The following SDHA variants were observed in gnomAD, a reference collection of about 807,000 sequenced individuals.
SDHA encodes the protein succinate dehydrogenase [ubiquinone] flavoprotein subunit, mitochondrial.
SDHA carries 48 observed loss-of-function variants against 78.4 expected under a neutral mutation model. The ratio of observed to expected loss-of-function variants is 0.61; its 90% CI spans 0.49 to 0.78. The LOEUF (loss-of-function observed/expected upper bound fraction) is 0.78, where lower values mean the gene tolerates loss of function less well. SDHA is among the 30% of genes least tolerant of loss of function. SDHA has a pLI of 0.00. For missense variants in SDHA, 680 were observed against 892.7 expected, an observed-to-expected ratio of 0.76 and a Z score of 3.04; for synonymous variants, 326 against 353.9, an observed-to-expected ratio of 0.92 and a Z score of 0.88.
the SDHA span, among the ~76,000 whole-genome samples, chr5:262,254 GT>G: frequency 2.2e-4 from 27 of 124,492 alleles, no homozygotes; most frequent in African/African-American, 7.2e-4. Context: ...TCCGCCTCCC[GT>G]CACAGCATTA....
intron 8 of SDHA, 198 bp downstream of exon 8, chr5:233,843 T>C: frequency 1.8e-6 from 1 of 565,174 alleles, no homozygotes; most frequent in South Asian, 2.0e-5. Flanking sequence ...CCAGTTTCTT[T>C]CTCAAATCTG....
chr5:262,284 CCGACAGAGCA>C, the SDHA span, among the ~76,000 whole-genome samples: 6 of 136,246 alleles, frequency 4.4e-5, no homozygotes, highest in South Asian at 1.1e-3. Context: ...GCTCCGCCTC[CCGACAGAGCA>C]TTACCGTGTG....
At chr5:224,908 A>G in intron 3 of SDHA, 1 of 348,426 alleles carries the variant, frequency 2.9e-6, no homozygotes, top group South Asian at 2.6e-5. Context: ...GTCTTCTGGG[A>G]CTCTCTGAGG....
chr5:268,285 C>T, the SDHA span, among the ~76,000 whole-genome samples: 1 of 151,926 alleles, frequency 6.6e-6, no homozygotes. Flanking sequence ...CGGGTTCACG[C>T]CATTCTCCTG....
At position 223,569 on chromosome 5, in the gene SDHA, G is replaced by A. The variant is rs1057523165; in HGVS notation, c.150+1G>A. The A allele has an allele frequency of 9.9e-6, 16 of 1,608,390 alleles. No individual in the cohort carries two copies. The highest frequency in any genetic ancestry group is 1.6e-4 in the Middle Eastern group (1 of 6,064). On this transcript the variant is annotated splice_donor_variant, in intron 2 of 14. Coordinates refer to ENST00000264932, the MANE Select transcript of SDHA (RefSeq NM_004168.4). LOFTEE classifies it high-confidence loss of function. ...GGCATCTGCTAAAGTTTCAGATTCC[G>A]TAAGTTCATGCTTTTTGTTCCATTA...
chr5:257,311 GCTA>G (rs1172653594), downstream of SDHA, among the ~76,000 whole-genome samples: 4 of 152,088 alleles, frequency 2.6e-5, no homozygotes, highest in Non-Finnish European at 5.9e-5. Context: ...GGGCCGGTGA[GCTA>G]CTGTGTGAGC....
intron 11 of SDHA, among the ~76,000 whole-genome samples, 183 bp downstream of exon 11, chr5:240,659 T>G (rs1011451646): frequency 3.3e-5 from 5 of 152,134 alleles, no homozygotes; most frequent in African/African-American, 9.7e-5. Context: ...TTGTACCCAG[T>G]AGGTAATTGT....
Position 251,429 on chromosome 5 carries a change from G to A in SDHA, c.1755G>A (p.Arg585=), listed in dbSNP as rs760254364. The A allele has an allele frequency of 1.1e-5, 17 of 1,613,998 alleles. No homozygotes were observed. In the South Asian group the frequency reaches 1.5e-4, roughly 15 times the overall value. The change falls in exon 13 of 15, where the codon CGG becomes CGA. Residue 585 remains arginine (R), a synonymous_variant. Transcript: ENST00000264932. ...AGACCATCTACGGAGCAGAGGCACG[G>A]AAGGAGTCACGGGGCGCGCATGCCA... ...ALQTIYGAEA[R]KESRGAHARE...
At chr5:268,641 A>G in the SDHA span, among the ~76,000 whole-genome samples, 1 of 152,122 alleles carries the variant, frequency 6.6e-6, no homozygotes, top group Admixed American at 6.6e-5. Context: ...TTTTCTCTTC[A>G]GTAAAATGTG....
chr5:255,606 C>G (rs935405749), intron 14 of SDHA, among the ~76,000 whole-genome samples: 1 of 151,914 alleles, frequency 6.6e-6, no homozygotes, highest in African/African-American at 2.4e-5. Flanking sequence ...CCATGCCTGG[C>G]TAATTTTTAT....
Position 240,401 on chromosome 5 carries a change from T to C in SDHA, c.1476T>C (p.Ser492=), listed in dbSNP as rs1376968004. The C allele has an allele frequency of 1.9e-6, 3 of 1,610,776 alleles. No individual in the cohort carries two copies. The African/African-American group carries it at 4.0e-5, about 22-fold the overall frequency. Residue 492 remains serine, a synonymous_variant, in exon 11 of 15, where the codon TCT becomes TCC. Coordinates refer to ENST00000264932, the MANE Select transcript of SDHA (RefSeq NM_004168.4). ...PPIKPNAGEE[S]VMNLDKLRFA... ...TTAAACCAAACGCTGGGGAAGAATC[T>C]GTCATGAATCTTGACAAATTGAGAT...
At chr5:265,302 A>C in the SDHA span, among the ~76,000 whole-genome samples, 1 of 152,204 alleles carries the variant, frequency 6.6e-6, no homozygotes, top group Non-Finnish European at 1.5e-5. Context: ...TTCCTTTCAC[A>C]TAGACACATT....
intron 9 of SDHA, chr5:236,172 C>G (rs1735764212): frequency 4.1e-6 from 2 of 491,862 alleles, no homozygotes; most frequent in East Asian, 7.8e-5. Context: ...TTACAGGCAC[C>G]CGCCATTATG....
Position 236,502 on chromosome 5 carries a change from G to T in SDHA, c.1335G>T (p.Ser445=), listed in dbSNP as rs200223188. Residue 445 remains serine, a synonymous_variant, in exon 10 of 15, where the codon TCG becomes TCT. Coordinates refer to ENST00000264932, the MANE Select transcript of SDHA (RefSeq NM_004168.4). The part of the protein sequence containing the change: ...LYACGEAACA[S]VHGANRLGAN... ...CCTGTGGGGAGGCCGCCTGTGCCTC[G>T]GTACATGGTGCCAACCGCCTCGGGG... 9.9e-6 allele frequency: 16 copies of T among 1,609,566 alleles called. No individual in the cohort carries two copies. The African/African-American group carries it at 1.1e-4, about 11-fold the overall frequency.
Position 256,417 on chromosome 5 carries a change from C to T in SDHA, c.1992C>T (p.Tyr664=). 2 of 1,611,528 alleles carry T rather than the reference C, an allele frequency of 1.2e-6. No homozygotes were observed. The highest frequency in any genetic ancestry group is 1.7e-6 in the Non-Finnish European group (2 of 1,177,674). Residue 664 remains tyrosine, a synonymous_variant, in exon 15 of 15, where the codon TAC becomes TAT. Coordinates refer to ENST00000264932, the MANE Select transcript of SDHA (RefSeq NM_004168.4). ...CCGTCCCGCCAGCCATTCGCTCCTACTGATGAGACAAGATGTGGTGATGAC... is the reference window on the plus strand; with the variant it reads ...CCGTCCCGCCAGCCATTCGCTCCTATTGATGAGACAAGATGTGGTGATGAC... The part of the protein sequence containing the change: ...CATVPPAIRS[Y]
At chr5:246,301 C>G in intron 11 of SDHA, among the ~76,000 whole-genome samples, 1 of 151,910 alleles carries the variant, frequency 6.6e-6, no homozygotes, top group Non-Finnish European at 1.5e-5. Flanking sequence ...CCAGAGAAGA[C>G]TCGAGCTGCA....
rs753325296 is a variant in SDHA, at chr5:229,022, C to T, written c.770+689C>T. Among the ~76,000 whole-genome samples, 113 of 152,262 alleles carry T rather than the reference C, an allele frequency of 7.4e-4. 1 individual carries two copies. Among genetic ancestry groups the T allele is most frequent in the Middle Eastern group, 3.4e-3 (1 of 294 alleles). Reference sequence around the variant, plus strand: ...AATTGATGTATGAAAAAATGCTCAACGTCACTAAGCACCAGAGAAATGCAA... The same window carrying T: ...AATTGATGTATGAAAAAATGCTCAATGTCACTAAGCACCAGAGAAATGCAA... On this transcript the variant is annotated intron_variant, in intron 6 of 14. Coordinates refer to ENST00000264932, the MANE Select transcript of SDHA (RefSeq NM_004168.4).
At chr5:251,669 C>T (rs10041277) in intron 13 of SDHA, 219,785 of 1,509,428 alleles carry the variant, frequency 0.15, 22,400 homozygotes, top group African/African-American at 0.53. Context: ...TGCTTTGGGT[C>T]GGCATCCACT....
chr5:225,273 T>C, intron 3 of SDHA, 146 bp from the exon 4 acceptor site: 1 of 983,460 alleles, frequency 1.0e-6, no homozygotes, highest in East Asian at 2.4e-5. Context: ...CGGGTCTCGC[T>C]GCTCCTCTGC....
Sources: gnomAD v4.1 joint callset for allele counts (sites outside exome capture counted in the v4.1 genomes callset) on GRCh38, gnomAD v4.1.1 for gene constraint, MANE v1.5 for transcripts, NCBI Gene and HGNC (gene_info 2026-07-23, HGNC 2026-07-21) for gene names.